The following METTL8 variants were observed in gnomAD, a reference collection of about 807,000 sequenced individuals.
METTL8 encodes methyltransferase 8, tRNA N3-cytidine.
In METTL8, 32 loss-of-function variants were observed where a neutral mutation model predicts 48.7. The ratio of observed to expected loss-of-function variants is 0.66; its 90% CI spans 0.50 to 0.88. METTL8 has a LOEUF of 0.88. Among genes scored for constraint, METTL8 ranks in the 40% least tolerant of loss-of-function variants. The pLI is 0.00. For synonymous variants in METTL8, 136 were observed against 157.1 expected (o/e 0.87, Z 1.01); for missense variants, 464 against 474.4 (o/e 0.98, Z 0.20).
chr2:171,372,935 A>T (rs1190951749), intron 2 of METTL8, among the ~76,000 whole-genome samples: 1 of 152,208 alleles, frequency 6.6e-6, no homozygotes, highest in Non-Finnish European at 1.5e-5. Context: ...ATAGTGCCGC[A>T]ATAAACATAC....
intron 3 of METTL8, among the ~76,000 whole-genome samples, chr2:171,340,120 C>A (rs1395274075): frequency 6.7e-6 from 1 of 150,230 alleles, no homozygotes; most frequent in Non-Finnish European, 1.5e-5. Flanking sequence ...ATTGCTTGAA[C>A]CTGGGAGGTG....
At chr2:171,401,626 G>A (rs1382698558) in intron 1 of METTL8, among the ~76,000 whole-genome samples, 1 of 152,136 alleles carries the variant, frequency 6.6e-6, no homozygotes, top group Non-Finnish European at 1.5e-5. Flanking sequence ...GGGATTTAAT[G>A]TAAGCTCATC....
rs1282548807 is a variant in METTL8 at position 171,391,907 on chromosome 2, T to TA, written c.143+135dup. 2.6e-5 allele frequency: 21 copies of TA among 797,944 alleles called. No homozygotes were observed. In the Admixed American group the frequency reaches 5.8e-4, roughly 22 times the overall value. The allele number at this position is 797,944 out of a possible 1,614,324, so 49.4% of individuals were successfully genotyped here. A position where few individuals can be genotyped will look rare whatever the true frequency, so the allele number is the denominator to read the frequency against. On this transcript the variant is annotated intron_variant, in intron 2 of 9. Transcript: ENST00000375258. ...CAGCAACACTTAAGTCAGGATCGGT[T>TA]ACCCTAGCTTTTGGACCTCTACAAC...
rs1443459947 is a variant in METTL8 at position 171,321,223 on chromosome 2, T to C, written c.*2949A>G. 1.2e-4 allele frequency: 18 copies of C among 152,288 alleles called. No homozygotes were observed. The highest frequency in any genetic ancestry group is 1.2e-3 in the Admixed American group (18 of 15,282). 9.4% of individuals were successfully genotyped at this position (152,288 alleles called of 1,614,324 possible). ...GACAGCATCCCTCCCCTGGTGTTTT[T>C]TGACAGCAGTGTCTTGATTTTCCTT... On this transcript the variant is annotated 3_prime_UTR_variant, in exon 10 of 10. Coordinates refer to ENST00000375258, the MANE Select transcript of METTL8 (RefSeq NM_001321154.2).
intron 2 of METTL8, among the ~76,000 whole-genome samples, chr2:171,361,253 C>CAT (rs1553515914): frequency 7.0e-5 from 10 of 143,436 alleles, no homozygotes; most frequent in African/African-American, 2.6e-4. Flanking sequence ...ACAAAGTTTG[C>CAT]TTTTTTTTTT....
At chr2:171,356,952 A>ATGTTTTGTTTTTTTTTTTTT in intron 3 of METTL8, among the ~76,000 whole-genome samples, 3 of 78,468 alleles carry the variant, frequency 3.8e-5, no homozygotes, top group Non-Finnish European at 4.8e-5. Flanking sequence ...CAAAGACAAT[A>ATGTTTTGTTTTTTTTTTTTT]TTTTTTTTTT....
upstream of METTL8, chr2:171,434,222 C>T (rs1693566422): frequency 2.3e-6 from 1 of 438,930 alleles, no homozygotes; most frequent in Non-Finnish European, 4.6e-6. Flanking sequence ...ATTGTAGTTC[C>T]TGGGAGAAGC....
chr2:171,360,362 G>T, intron 3 of METTL8, 60 bp downstream of exon 3: 1 of 1,402,722 alleles, frequency 7.1e-7, no homozygotes. Flanking sequence ...GCAATGACAC[G>T]AGGAGGAGGA....
chr2:171,358,869 A>C (rs1447010927), intron 3 of METTL8, among the ~76,000 whole-genome samples: 2 of 152,228 alleles, frequency 1.3e-5, no homozygotes, highest in Non-Finnish European at 2.9e-5. Flanking sequence ...AACAATCAAC[A>C]AAGTGAAGAG....
rs1230538510 is a variant in METTL8 at position 171,318,663 on chromosome 2, A to G, written c.*5509T>C. The G allele has an allele frequency of 1.3e-5, 2 of 152,114 alleles. No individual in the cohort carries two copies. The highest frequency in any genetic ancestry group is 4.8e-5 in the African/African-American group (2 of 41,412). The allele number at this position is 152,114 out of a possible 1,614,324, so 9.4% of individuals were successfully genotyped here. A position where few individuals can be genotyped will look rare whatever the true frequency, so the allele number is the denominator to read the frequency against. On this transcript the variant is annotated 3_prime_UTR_variant, in exon 10 of 10. Transcript: ENST00000375258. ...TCCTTCTCTTCTTTTCCAATTTGTA[A>G]TTGTGGACAAGTGTAACCTACTTAT... is the stretch of plus-strand genomic sequence containing the variant.
intron 1 of METTL8, among the ~76,000 whole-genome samples, chr2:171,404,600 T>A (rs984032286): frequency 6.6e-6 from 1 of 152,196 alleles, no homozygotes; most frequent in Admixed American, 6.5e-5. Context: ...TTTCAGACTA[T>A]GGTTGACAGT....
At chr2:171,404,558 C>A (rs1298684421) in intron 1 of METTL8, among the ~76,000 whole-genome samples, 2 of 152,044 alleles carry the variant, frequency 1.3e-5, no homozygotes, top group Non-Finnish European at 2.9e-5. Context: ...AAACTTCTGC[C>A]TTGTTTATTT....
intron 2 of METTL8, chr2:171,374,846 T>C (rs1485953570): frequency 1.4e-5 from 10 of 730,136 alleles, no homozygotes; most frequent in Non-Finnish European, 2.5e-5. Flanking sequence ...TAGGTGTATG[T>C]TTAACTTTTT....
In METTL8 at chr2:171,330,625, G is replaced by A; in HGVS notation, c.794C>T (p.Pro265Leu). 5.6e-6 allele frequency: 9 copies of A among 1,613,568 alleles called. No individual in the cohort carries two copies. Among genetic ancestry groups the A allele is most frequent in the Non-Finnish European group, 7.6e-6 (9 of 1,179,576 alleles). ...HDVCDDGLPY[P>L]FPDGILDVIL... is the part of the protein sequence containing the mutation. ...GACATCCAGGATCCCATCTGGAAAA[G>A]GGTAAGGTAAGCCATCATCACATAC... is the stretch of plus-strand genomic sequence containing the variant. The change falls in exon 7 of 10, where the codon CCT (proline) becomes CTT (leucine). Residue 265 changes from proline (P) to leucine (L), a missense_variant. Pro to Leu is a moderately conservative substitution (Grantham distance 98). Transcript: ENST00000375258.
At chr2:171,431,242 C>T (rs191305101) in intron 1 of METTL8, among the ~76,000 whole-genome samples, 5 of 151,202 alleles carry the variant, frequency 3.3e-5, no homozygotes, top group Admixed American at 3.3e-4. Context: ...CATTCCCTAA[C>T]ACATGTGCAG....
intron 1 of METTL8, among the ~76,000 whole-genome samples, chr2:171,416,617 A>T (rs1275555466): frequency 1.3e-5 from 2 of 152,230 alleles, no homozygotes; most frequent in East Asian, 1.9e-4. Flanking sequence ...AAAATCTGAG[A>T]ACCACTCTAA....
At chr2:171,386,035 T>C (rs538437290) in intron 2 of METTL8, among the ~76,000 whole-genome samples, 3 of 152,342 alleles carry the variant, frequency 2.0e-5, no homozygotes, top group South Asian at 4.2e-4. Context: ...AGAAGGATTC[T>C]TGTGCAGCCA....
intron 2 of METTL8, among the ~76,000 whole-genome samples, chr2:171,366,261 G>C (rs1352763983): frequency 6.6e-6 from 1 of 152,154 alleles, no homozygotes; most frequent in Non-Finnish European, 1.5e-5. Context: ...TGAGCATCTT[G>C]AGTATTTAGT....
intron 1 of METTL8, among the ~76,000 whole-genome samples, chr2:171,424,583 T>C (rs867054651): frequency 3.3e-5 from 5 of 152,320 alleles, no homozygotes; most frequent in Middle Eastern, 3.4e-3. Flanking sequence ...GACTGCTCTA[T>C]TGGATTTTGG....
Sources: allele counts gnomAD v4.1 joint callset (sites outside exome capture counted in the v4.1 genomes callset), GRCh38; gene constraint gnomAD v4.1.1; transcripts MANE v1.5; gene names NCBI Gene and HGNC (gene_info 2026-07-23, HGNC 2026-07-21).